Variants in AMPD3 observed in about 807,000 individuals in gnomAD.
The protein encoded by AMPD3 is adenosine monophosphate deaminase 3.
AMPD3 carries 57 observed loss-of-function variants against 82.3 expected under a neutral mutation model. That is an observed-to-expected ratio of 0.69 (90% CI 0.56 to 0.86). AMPD3 has a LOEUF of 0.86. AMPD3 is among the 40% of genes least tolerant of loss of function. The pLI, the probability that AMPD3 is intolerant of heterozygous loss-of-function variation, is 0.00. For missense variants in AMPD3, 870 were observed against 1,003.8 expected (o/e 0.87, Z 1.80); for synonymous variants, 381 against 394.7 (o/e 0.97, Z 0.41).
chr11:10,488,859 C>T (rs1849157723), intron 6 of AMPD3, among the ~76,000 whole-genome samples: 1 of 152,130 alleles, frequency 6.6e-6, no homozygotes, highest in Non-Finnish European at 1.5e-5. Flanking sequence ...TGTGGCTCCT[C>T]TGGGAAAGCC....
chr11:10,490,392 C>A, intron 6 of AMPD3: 1 of 737,460 alleles, frequency 1.4e-6, no homozygotes, highest in Non-Finnish European at 1.7e-6. Context: ...AATTAGGGGC[C>A]ACCCCTAAAG....
intron 1 of AMPD3, among the ~76,000 whole-genome samples, chr11:10,457,141 C>G (rs1316663478): frequency 1.3e-5 from 2 of 151,664 alleles, no homozygotes; most frequent in Non-Finnish European, 2.9e-5. Flanking sequence ...CCACACCTGG[C>G]TGTTTTTTTT....
intron 1 of AMPD3, chr11:10,460,910 G>A (rs2133821312): frequency 1.0e-6 from 1 of 985,412 alleles, no homozygotes; most frequent in African/African-American, 1.7e-5. Context: ...GGTAAAGAGT[G>A]TTCTAAAACC....
intron 10 of AMPD3, 93 bp downstream of exon 10, chr11:10,497,031 C>T (rs551419840): frequency 3.5e-5 from 53 of 1,505,152 alleles, no homozygotes; most frequent in South Asian, 1.3e-4. Flanking sequence ...CTGCCCTTCA[C>T]GATGGTATCT....
chr11:10,486,912 G>A (rs1849087241), intron 5 of AMPD3: 7 of 985,412 alleles, frequency 7.1e-6, no homozygotes, highest in Non-Finnish European at 7.2e-6. Context: ...TCAGCCTTGG[G>A]TGTTACCACC....
intron 3 of AMPD3, among the ~76,000 whole-genome samples, chr11:10,479,428 G>A (rs1009319053): frequency 6.6e-6 from 1 of 152,174 alleles, no homozygotes; most frequent in Non-Finnish European, 1.5e-5. Context: ...TTTAACAGTA[G>A]CTGTAGAAAA....
chr11:10,506,672 A>AAGTGCT lies in AMPD3; in HGVS notation c.*789_*790insGTGCTA, dbSNP rs1849721926. 1 of 152,622 alleles carries AAGTGCT rather than the reference A, an allele frequency of 6.6e-6. No individual in the cohort carries two copies. Among genetic ancestry groups the AAGTGCT allele is most frequent in the Non-Finnish European group, 1.5e-5 (1 of 68,110 alleles). 9.5% of individuals were successfully genotyped at this position (152,622 alleles called of 1,614,324 possible). Reference sequence around the variant, plus strand: ...GGCTGCTACATAATATTTTCATTTGAACGAAGAACTTCAAAAAGCACAGGA... The same window carrying AAGTGCT: ...GGCTGCTACATAATATTTTCATTTGAAGTGCTACGAAGAACTTCAAAAAGCACAGGA... On this transcript the variant is annotated 3_prime_UTR_variant, in exon 15 of 15. Transcript: ENST00000396553. This position sits in a 1 kb window ranked among gnomAD's most constrained non-coding sequence, Gnocchi z 4.1.
At chr11:10,472,043 C>T (rs1260206849) in intron 2 of AMPD3, among the ~76,000 whole-genome samples, 4 of 152,112 alleles carry the variant, frequency 2.6e-5, no homozygotes, top group Admixed American at 2.6e-4. Flanking sequence ...TGGAACCCAC[C>T]CAAATGTCCA....
chr11:10,485,150 C>T, intron 5 of AMPD3, 111 bp downstream of exon 5: 2 of 1,028,188 alleles, frequency 1.9e-6, no homozygotes. Context: ...TTAAAGCATC[C>T]CAGAAAGAGC....
intron 5 of AMPD3, 56 bp downstream of exon 5, chr11:10,485,095 G>T: frequency 1.3e-6 from 2 of 1,538,268 alleles, no homozygotes; most frequent in Non-Finnish European, 1.8e-6. Context: ...TCTGTAGGAA[G>T]GAGATGAGAA....
chr11:10,492,549 C>T (rs1849267333), intron 6 of AMPD3, among the ~76,000 whole-genome samples: 1 of 152,158 alleles, frequency 6.6e-6, no homozygotes, highest in African/African-American at 2.4e-5. Context: ...AGGGTTATCA[C>T]TAAAACTGTG....
chr11:10,485,543 C>T (rs1445029599), intron 5 of AMPD3, among the ~76,000 whole-genome samples: 1 of 152,098 alleles, frequency 6.6e-6, no homozygotes, highest in Non-Finnish European at 1.5e-5. Flanking sequence ...CTGTGACCGG[C>T]CTCCCTGTCC....
At position 10,487,371 on chromosome 11, in the gene AMPD3, T is replaced by C. The variant is rs768613997; in HGVS notation, c.939+7T>C. Reference sequence around the variant, plus strand: ...CTTCTATAACGTGAGAAAGGTGCGTTAGGGGCGAGTGTTCACAGCTGCCTC... The same window carrying C: ...CTTCTATAACGTGAGAAAGGTGCGTCAGGGGCGAGTGTTCACAGCTGCCTC... On this transcript the variant is annotated splice_region_variant and intron_variant, in intron 6 of 14. Transcript: ENST00000396553. 2.5e-6 allele frequency: 4 copies of C among 1,613,732 alleles called. No homozygotes were observed. The highest frequency in any genetic ancestry group is 3.4e-6 in the Non-Finnish European group (4 of 1,179,798).
chr11:10,450,728 T>C, upstream of AMPD3: 1 of 1,109,878 alleles, frequency 9.0e-7, no homozygotes, highest in Non-Finnish European at 1.1e-6. Context: ...GCGCTTCAGG[T>C]AGCCTCTCGG....
At chr11:10,477,907 G>T (rs1293270970) in intron 2 of AMPD3, 1 of 985,310 alleles carries the variant, frequency 1.0e-6, no homozygotes, top group Non-Finnish European at 1.2e-6. Flanking sequence ...GGCCTATGAT[G>T]CCTGTAAGCT....
chr11:10,500,781 G>A, intron 11 of AMPD3: 1 of 985,468 alleles, frequency 1.0e-6, no homozygotes. Context: ...TACAGGCAGA[G>A]GCTCCTACCA....
chr11:10,493,595 G>A lies in AMPD3; in HGVS notation c.1134+52G>A, dbSNP rs1849303411. 3 of 1,589,546 alleles carry A rather than the reference G, an allele frequency of 1.9e-6. No homozygotes were observed. The African/African-American group carries it at 4.0e-5, about 21-fold the overall frequency. On this transcript the variant is annotated intron_variant, in intron 7 of 14. Coordinates refer to ENST00000396553, the MANE Select transcript of AMPD3 (RefSeq NM_001025389.2). ...CCAGCAGACAGCAGCCCTGGCTGGG[G>A]ACTCAGCCCCCTGGAAAGCCACCAT...
intron 4 of AMPD3, among the ~76,000 whole-genome samples, chr11:10,483,080 G>T (rs1249012716): frequency 1.3e-5 from 2 of 152,186 alleles, no homozygotes; most frequent in Non-Finnish European, 2.9e-5. Flanking sequence ...CAGGGCTGTC[G>T]TGAGGATTAA....
upstream of AMPD3, among the ~76,000 whole-genome samples, chr11:10,452,844 A>G (rs1473193330): frequency 6.6e-6 from 1 of 152,214 alleles, no homozygotes; most frequent in African/African-American, 2.4e-5. Flanking sequence ...CACACTTCAT[A>G]GGGAATAAAA....
Sources: gnomAD v4.1 joint callset for allele counts (sites outside exome capture counted in the v4.1 genomes callset) on GRCh38, gnomAD v4.1.1 for gene constraint, Gnocchi (gnomAD v3.1) non-coding constraint, MANE v1.5 for transcripts, NCBI Gene and HGNC (gene_info 2026-07-23, HGNC 2026-07-21) for gene names.